Variants in GRM8 observed in about 807,000 individuals in gnomAD.
The protein encoded by GRM8 is metabotropic glutamate receptor 8.
GRM8 carries 47 observed loss-of-function variants against 87.2 expected under a neutral mutation model. The ratio of observed to expected loss-of-function variants is 0.54; its 90% CI spans 0.43 to 0.69. The LOEUF is 0.69. Ranked by LOEUF, GRM8 falls within the 30% of genes least tolerant of loss-of-function variation. The pLI is 0.00. For synonymous variants in GRM8, 396 were observed against 404.5 expected (o/e 0.98, Z 0.25); for missense variants, 1,019 against 1,139.2 (o/e 0.89, Z 1.52).
At chr7:126,906,406 C>T (rs1802680312) in intron 3 of GRM8, among the ~76,000 whole-genome samples, 1 of 152,116 alleles carries the variant, frequency 6.6e-6, no homozygotes, top group South Asian at 2.1e-4. Flanking sequence ...GCCTCAAAGC[C>T]CTAGGCTCCA....
chr7:126,879,756 T>C (rs1295730011), intron 6 of GRM8, among the ~76,000 whole-genome samples: 1 of 152,234 alleles, frequency 6.6e-6, no homozygotes, highest in Non-Finnish European at 1.5e-5. Flanking sequence ...TAAATGGTTT[T>C]ATATTTTGTG....
intron 3 of GRM8, among the ~76,000 whole-genome samples, chr7:126,907,240 TGGA>T (rs1162914765): frequency 7.7e-5 from 8 of 103,784 alleles, no homozygotes; most frequent in African/African-American, 2.3e-4. Flanking sequence ...GAGGAAGAGA[TGGA>T]GGAGGAGGAG....
intron 1 of GRM8, chr7:127,250,842 G>T (rs1009910405): frequency 6.6e-6 from 1 of 152,184 alleles, no homozygotes; most frequent in Non-Finnish European, 1.5e-5. Flanking sequence ...GTTTATCCAC[G>T]ATCTACCTGC....
intron 9 of GRM8, among the ~76,000 whole-genome samples, chr7:126,464,590 G>A (rs1236787566): frequency 6.6e-6 from 1 of 151,256 alleles, no homozygotes; most frequent in African/African-American, 2.4e-5. Flanking sequence ...ATTTTTCTCT[G>A]TTGGTATGTT....
In GRM8 at chr7:126,685,041, C is replaced by T. The variant is rs2151345728; in HGVS notation, c.1358-75543G>A. On this transcript the variant is annotated intron_variant, in intron 7 of 10. Coordinates refer to ENST00000339582, the MANE Select transcript of GRM8 (RefSeq NM_000845.3). The surrounding 1 kb of genome is among the most constrained non-coding windows in gnomAD (Gnocchi z 4.2). ...AGGGCAGCAGTGGTGGCCATGGGAC[C>T]CCTGTGCCCTGCGTCCCCAAGGAAG... 6.6e-6 allele frequency among the ~76,000 whole-genome samples: 1 copy of T among 152,242 alleles called. No individual in the cohort carries two copies. Among genetic ancestry groups the T allele is most frequent in the East Asian group, 1.9e-4 (1 of 5,156 alleles).
chr7:126,525,850 G>A (rs1407629187), intron 9 of GRM8, among the ~76,000 whole-genome samples: 1 of 151,828 alleles, frequency 6.6e-6, no homozygotes, highest in African/African-American at 2.4e-5. Flanking sequence ...GTGTCTTTGT[G>A]CCAGCCATTA....
At chr7:126,948,329 A>G (rs1453285635) in intron 3 of GRM8, among the ~76,000 whole-genome samples, 2 of 151,488 alleles carry the variant, frequency 1.3e-5, no homozygotes, top group South Asian at 2.1e-4. Context: ...CACACAATAC[A>G]TAAGAGGAAA....
At position 126,620,203 on chromosome 7, in the gene GRM8, G is replaced by T. The variant is rs555645438; in HGVS notation, c.1358-10705C>A. The stretch of plus-strand genomic sequence containing the variant: ...CTCAGGAGGCTGGGGTAGAAACATC[G>T]CTTGAGACCAGGAGCTTGAGGTTAC... On this transcript the variant is annotated intron_variant, in intron 7 of 10. Transcript: ENST00000339582. 2.0e-5 allele frequency among the ~76,000 whole-genome samples: 3 copies of T among 152,094 alleles called. No individual in the cohort carries two copies. The East Asian group carries it at 5.8e-4, about 29-fold the overall frequency.
chr7:126,903,565 TACACACACAC>T lies in GRM8; in HGVS notation c.1018+397_1018+406del, dbSNP rs35182354. On this transcript the variant is annotated intron_variant, in intron 5 of 10. Transcript: ENST00000339582. ...TAATGGGTCCTCTTTCCTAAATACA[TACACACACAC>T]ACACACACACACACACACACACACA... 1.9e-3 allele frequency among the ~76,000 whole-genome samples: 226 copies of T among 118,552 alleles called. 2 individuals are homozygous for T. Among genetic ancestry groups the T allele is most frequent in the South Asian group, 6.1e-3 (22 of 3,588 alleles). The allele number at this position is 118,552 out of a possible 152,430, so 77.8% of individuals were successfully genotyped here. A position where few individuals can be genotyped will look rare whatever the true frequency, so the allele number is the denominator to read the frequency against.
At chr7:126,882,628 T>G (rs1297393419) in intron 6 of GRM8, among the ~76,000 whole-genome samples, 1 of 152,214 alleles carries the variant, frequency 6.6e-6, no homozygotes, top group Admixed American at 6.5e-5. Flanking sequence ...TAATTGCTGC[T>G]ATGAGAAAAA....
chr7:127,230,780 G>T (rs556488762), intron 2 of GRM8, among the ~76,000 whole-genome samples: 1 of 152,148 alleles, frequency 6.6e-6, no homozygotes, highest in African/African-American at 2.4e-5. Context: ...CACCAAGCTG[G>T]TACCCTGATC....
chr7:127,236,341 A>G (rs1797978992), intron 2 of GRM8, among the ~76,000 whole-genome samples: 3 of 152,368 alleles, frequency 2.0e-5, no homozygotes, highest in South Asian at 2.1e-4. Context: ...ACACTGCTAT[A>G]AGGAACTGCC....
intron 2 of GRM8, among the ~76,000 whole-genome samples, chr7:127,134,093 A>G (rs1827833891): frequency 6.6e-6 from 1 of 152,184 alleles, no homozygotes; most frequent in Admixed American, 6.5e-5. Flanking sequence ...TATGAGACTA[A>G]ATAATACATG....
At chr7:126,649,354 C>T (rs1376554000) in intron 7 of GRM8, among the ~76,000 whole-genome samples, 1 of 152,148 alleles carries the variant, frequency 6.6e-6, no homozygotes, top group African/African-American at 2.4e-5. Flanking sequence ...CATGAAAAGA[C>T]TAGACTGGCT....
chr7:126,951,553 C>G (rs1003861365), intron 3 of GRM8, among the ~76,000 whole-genome samples: 3 of 151,938 alleles, frequency 2.0e-5, no homozygotes, highest in African/African-American at 7.2e-5. Flanking sequence ...TAACACTAAC[C>G]TAAATAACTA....
intron 6 of GRM8, among the ~76,000 whole-genome samples, chr7:126,783,184 C>G (rs990202029): frequency 3.3e-5 from 5 of 152,116 alleles, no homozygotes; most frequent in Admixed American, 3.3e-4. Context: ...ATTTTCTCCC[C>G]CAATGATCTA....
At chr7:127,083,673 C>T (rs1482483944) in intron 3 of GRM8, among the ~76,000 whole-genome samples, 1 of 151,836 alleles carries the variant, frequency 6.6e-6, no homozygotes, top group African/African-American at 2.4e-5. Context: ...AAATCTGCTT[C>T]CTTGAAATTG....
At chr7:127,187,738 T>C (rs1229407165) in intron 2 of GRM8, among the ~76,000 whole-genome samples, 2 of 152,234 alleles carry the variant, frequency 1.3e-5, no homozygotes, top group Non-Finnish European at 2.9e-5. Flanking sequence ...CCATGGTTCC[T>C]GTTCTCACTT....
At chr7:126,587,233 T>C (rs916704963) in intron 8 of GRM8, among the ~76,000 whole-genome samples, 5 of 152,244 alleles carry the variant, frequency 3.3e-5, no homozygotes, top group African/African-American at 1.2e-4. Context: ...TTGGTGGGAC[T>C]GTAAACTAGT....
Sources: gnomAD v4.1 joint callset for allele counts (sites outside exome capture counted in the v4.1 genomes callset) on GRCh38, gnomAD v4.1.1 for gene constraint, Gnocchi (gnomAD v3.1) non-coding constraint, MANE v1.5 for transcripts, NCBI Gene and HGNC (gene_info 2026-07-23, HGNC 2026-07-21) for gene names.